The following SLITRK6 variants were observed in gnomAD, a reference collection of about 807,000 sequenced individuals.
SLITRK6 encodes SLIT and NTRK like family member 6, also known as SLIT and NTRK-like protein 6.
A neutral mutation model predicts 55.6 loss-of-function variants in SLITRK6; 35 were observed. That is an observed-to-expected ratio of 0.63 (90% CI 0.48 to 0.83). SLITRK6 has a LOEUF of 0.83. Ranked by LOEUF, SLITRK6 falls within the 40% of genes least tolerant of loss-of-function variation. The probability of loss-of-function intolerance (pLI) is 0.00; values close to 1 mark genes in which losing one functional copy is unlikely to be tolerated. For synonymous variants in SLITRK6, 392 were observed against 359.6 expected (o/e 1.09, Z -1.02); for missense variants, 977 against 986.4 (o/e 0.99, Z 0.13).
At chr13:85,797,851 C>A (rs1361453380) in intron 1 of SLITRK6, among the ~76,000 whole-genome samples, 1 of 151,772 alleles carries the variant, frequency 6.6e-6, no homozygotes, top group Non-Finnish European at 1.5e-5. Flanking sequence ...ATACTTTAAA[C>A]TTATATAAAC....
At chr13:85,798,455 T>C (rs936900693) in intron 1 of SLITRK6, among the ~76,000 whole-genome samples, 14 of 151,996 alleles carry the variant, frequency 9.2e-5, no homozygotes, top group Admixed American at 2.6e-4. Flanking sequence ...GAAAAGTGGT[T>C]CTCTACTGAC....
In SLITRK6 at chr13:85,795,330, G is replaced by C; in HGVS notation, c.1179C>G (p.His393Gln). ...GAACTTCAATACGATTGTTTCCCAA[G>C]TGAAGCATTTCCAAAGTGAAATATT... ...LVEYFTLEML[H>Q]LGNNRIEVLE... Residue 393 changes from histidine to glutamine, a missense_variant, in exon 2 of 2, where the codon CAC becomes CAG. His to Gln is a conservative substitution (Grantham distance 24). Coordinates refer to ENST00000647374, the MANE Select transcript of SLITRK6 (RefSeq NM_032229.3). 6.2e-7 allele frequency: 1 copy of C among 1,612,724 alleles called. No individual in the cohort carries two copies. The highest frequency in any genetic ancestry group is 8.5e-7 in the Non-Finnish European group (1 of 1,179,344).
rs900446563 is a variant in SLITRK6 at position 85,793,866 on chromosome 13, A to C, written c.*117T>G. ...TTTCTTCTTCTTTTTTTTTCCCCAT[A>C]GTTTACTGCTGTGCTTAGGTTCTGA... On this transcript the variant is annotated 3_prime_UTR_variant, in exon 2 of 2. Transcript: ENST00000647374. 6 of 1,161,878 alleles carry C rather than the reference A, an allele frequency of 5.2e-6. No individual in the cohort carries two copies. The highest frequency in any genetic ancestry group is 2.8e-5 in the Admixed American group (1 of 35,628). The allele number at this position is 1,161,878 out of a possible 1,614,324, so 72.0% of individuals were successfully genotyped here.
At position 85,795,574 on chromosome 13, in the gene SLITRK6, C is replaced by T. The variant is rs962421431; in HGVS notation, c.935G>A (p.Gly312Asp). 11 of 1,612,684 alleles carry T rather than the reference C, an allele frequency of 6.8e-6. No individual in the cohort carries two copies. The African/African-American group carries it at 1.3e-4, about 20-fold the overall frequency. The change falls in exon 2 of 2, where the codon GGT becomes GAT. Residue 312 changes from glycine to aspartate, a missense_variant. Gly to Asp is a moderately conservative substitution (Grantham distance 94). Transcript: ENST00000647374. ...SILKLPTKAP[G>D]LIPYITKPST... is the part of the protein sequence containing the mutation. ...TGGCTTTGTAATATAAGGTATCAAACCTGGTGCTTTGGTGGGTAGTTTTAG... is the reference window on the plus strand; with the variant it reads ...TGGCTTTGTAATATAAGGTATCAAATCTGGTGCTTTGGTGGGTAGTTTTAG...
At chr13:85,797,285 G>C (rs368961896) in intron 1 of SLITRK6, among the ~76,000 whole-genome samples, 1 of 151,390 alleles carries the variant, frequency 6.6e-6, no homozygotes, top group Non-Finnish European at 1.5e-5. Flanking sequence ...TTGTATAAGC[G>C]TAATAGTATC....
chr13:85,798,659 C>T (rs34065887), intron 1 of SLITRK6, among the ~76,000 whole-genome samples: 1,932 of 152,092 alleles, frequency 0.013, 18 homozygotes, highest in Admixed American at 0.023. Flanking sequence ...TAGTTTCTAA[C>T]AACAAACTGC....
chr13:85,794,962 T>A lies in SLITRK6; in HGVS notation c.1547A>T (p.Asp516Val). Residue 516 changes from aspartate (D) to valine (V), a missense_variant, in exon 2 of 2, where the codon GAT (aspartate) becomes GTT (valine). Transcript: ENST00000647374. The part of the protein sequence containing the change: ...LDLLTQIDLE[D>V]NPWDCSCDLV... ...GTCACAGGAGCAGTCCCAGGGGTTA[T>A]CCTCAAGGTCAATCTGGGTTAGCAA... 1 of 1,613,122 alleles carries A rather than the reference T, an allele frequency of 6.2e-7. No individual in the cohort carries two copies. Among genetic ancestry groups the A allele is most frequent in the Non-Finnish European group, 8.5e-7 (1 of 1,179,476 alleles).
At chr13:85,796,821 T>C (rs373358466) in intron 1 of SLITRK6, among the ~76,000 whole-genome samples, 3 of 151,824 alleles carry the variant, frequency 2.0e-5, no homozygotes, top group East Asian at 1.9e-4. Context: ...ATCTGATGAA[T>C]AACCTGCATT....
Position 85,794,816 on chromosome 13 carries a change from G to A in SLITRK6, c.1693C>T (p.Leu565Phe), listed in dbSNP as rs373437250. Residue 565 changes from leucine to phenylalanine, a missense_variant, in exon 2 of 2, where the codon CTC (leucine) becomes TTC (phenylalanine). Leu to Phe is a conservative substitution (Grantham distance 22, BLOSUM62 0). Transcript: ENST00000647374. ...KELKALNSEILCPGLVNNPSM... is the reference protein window; with the variant it reads ...KELKALNSEIFCPGLVNNPSM... ...GGGTTATTTACTAAACCTGGACAGA[G>A]AATTTCACTATTTAGGGCTTTCAAT... is the stretch of plus-strand genomic sequence containing the variant. 1 of 1,613,112 alleles carries A rather than the reference G, an allele frequency of 6.2e-7. No individual in the cohort carries two copies. The highest frequency in any genetic ancestry group is 8.5e-7 in the Non-Finnish European group (1 of 1,179,558).
chr13:85,793,899 C>A lies in SLITRK6; in HGVS notation c.*84G>T. The stretch of plus-strand genomic sequence containing the variant: ...GCTGTGCTTAGGTTCTGATTGATGA[C>A]ACACTCACGTAAGGCACTTATTTAC... On this transcript the variant is annotated 3_prime_UTR_variant, in exon 2 of 2. Coordinates refer to ENST00000647374, the MANE Select transcript of SLITRK6 (RefSeq NM_032229.3). 1 of 1,447,048 alleles carries A rather than the reference C, an allele frequency of 6.9e-7. No individual in the cohort carries two copies. Among genetic ancestry groups the A allele is most frequent in the Non-Finnish European group, 9.2e-7 (1 of 1,081,612 alleles). The allele number at this position is 1,447,048 out of a possible 1,614,324, so 89.6% of individuals were successfully genotyped here.
Position 85,794,232 on chromosome 13 carries a change from A to T in SLITRK6, c.2277T>A (p.Ile759=). ...GCTGAAGTTCCCTTTCTTTTTCTAA[A>T]ATGTTTCTGTACAATGAGCTGGCAT... ...FQDASSLYRN[I]LEKERELQQL... is the part of the protein sequence containing the mutation. Residue 759 remains isoleucine (I), a synonymous_variant, in exon 2 of 2, where the codon ATT becomes ATA. Coordinates refer to ENST00000647374, the MANE Select transcript of SLITRK6 (RefSeq NM_032229.3). The T allele has an allele frequency of 6.2e-7, 1 of 1,612,918 alleles. No homozygotes were observed.
Position 85,796,283 on chromosome 13 carries a change from A to C in SLITRK6, c.226T>G (p.Leu76Val), listed in dbSNP as rs370883086. 17 of 1,611,978 alleles carry C rather than the reference A, an allele frequency of 1.1e-5. No homozygotes were observed. The highest frequency in any genetic ancestry group is 1.4e-5 in the Non-Finnish European group (17 of 1,178,942). ...PFQLSLLNNGLTMLHTNDFSG... is the reference protein window; with the variant it reads ...PFQLSLLNNGVTMLHTNDFSG... ...AAGTCATTTGTGTGAAGCATCGTCA[A>C]GCCGTTATTTAATAAGCTTAGTTGG... The change falls in exon 2 of 2, where the codon TTG (leucine) becomes GTG (valine). Residue 76 changes from leucine (L) to valine (V), a missense_variant. Leu to Val is a conservative substitution (Grantham distance 32). Coordinates refer to ENST00000647374, the MANE Select transcript of SLITRK6 (RefSeq NM_032229.3).
chr13:85,795,052 T>C lies in SLITRK6; in HGVS notation c.1457A>G (p.Lys486Arg), dbSNP rs190027458. 1.2e-6 allele frequency: 2 copies of C among 1,612,992 alleles called. No individual in the cohort carries two copies. The highest frequency in any genetic ancestry group is 1.7e-6 in the Non-Finnish European group (2 of 1,179,386). ...AAACTGGTTTGTTTTAAGATTTACC[T>C]TAGTTAGAGGAACCCCTGAAAAAAT... Reference protein sequence around the residue: ...PHIFSGVPLTKVNLKTNQFTH... With the variant: ...PHIFSGVPLTRVNLKTNQFTH... Residue 486 changes from lysine to arginine, a missense_variant, in exon 2 of 2, where the codon AAG becomes AGG. By Grantham distance (26) the Lys-to-Arg change is conservative. Coordinates refer to ENST00000647374, the MANE Select transcript of SLITRK6 (RefSeq NM_032229.3).
chr13:85,793,674 T>C lies in SLITRK6; in HGVS notation c.*309A>G, dbSNP rs1874609340. 4.2e-6 allele frequency: 1 copy of C among 239,034 alleles called. No individual in the cohort carries two copies. Among genetic ancestry groups the C allele is most frequent in the South Asian group, 1.4e-4 (1 of 7,194 alleles). The allele number at this position is 239,034 out of a possible 1,614,324, so 14.8% of individuals were successfully genotyped here. On this transcript the variant is annotated 3_prime_UTR_variant, in exon 2 of 2. Coordinates refer to ENST00000647374, the MANE Select transcript of SLITRK6 (RefSeq NM_032229.3). ...CAAGAAAATTCGGGATACTTAAATG[T>C]TCAGCCTTTTTAGATGTGCAAGAGG...
In SLITRK6 at chr13:85,794,558, TG is replaced by T; in HGVS notation, c.1950del (p.Asp650GlufsTer34). ...CTGTACTGAAGATGCACAGGACTGTTGTCTCTCATTTGCTCATCTACTTGTT... is the reference window on the plus strand; with the variant it reads ...CTGTACTGAAGATGCACAGGACTGTTTCTCTCATTTGCTCATCTACTTGTT... ...KKKQVDEQMR[D>X]NSPVHLQYSM... On this transcript the variant is annotated frameshift_variant, in exon 2 of 2. Transcript: ENST00000647374. LOFTEE classifies it high-confidence loss of function. 6.2e-7 allele frequency: 1 copy of T among 1,613,202 alleles called. No homozygotes were observed. Among genetic ancestry groups the T allele is most frequent in the Non-Finnish European group, 8.5e-7 (1 of 1,179,550 alleles).
In SLITRK6 at chr13:85,794,301, T is replaced by C; in HGVS notation, c.2208A>G (p.Lys736=). The C allele has an allele frequency of 6.2e-7, 1 of 1,613,332 alleles. No individual in the cohort carries two copies. The highest frequency in any genetic ancestry group is 8.5e-7 in the Non-Finnish European group (1 of 1,179,554). The change falls in exon 2 of 2, where the codon AAA becomes AAG. Residue 736 remains lysine, a synonymous_variant. Transcript: ENST00000647374. Reference sequence around the variant, plus strand: ...CTGTTGATTGGTTCGTGGTTTTGTATTTCATATTTGACCCTGTGAGTGGTG... The same window carrying C: ...CTGTTGATTGGTTCGTGGTTTTGTACTTCATATTTGACCCTGTGAGTGGTG... ...NHSPLTGSNM[K]YKTTNQSTEF... is the part of the protein sequence containing the mutation.
rs1874728577 is a variant in SLITRK6, at chr13:85,796,453, T to C, written c.56A>G (p.His19Arg). 1 of 1,600,096 alleles carries C rather than the reference T, an allele frequency of 6.2e-7. No homozygotes were observed. Residue 19 changes from histidine to arginine, a missense_variant, in exon 2 of 2, where the codon CAC (histidine) becomes CGC (arginine). His to Arg is a conservative substitution (Grantham distance 29, BLOSUM62 0). Coordinates refer to ENST00000647374, the MANE Select transcript of SLITRK6 (RefSeq NM_032229.3). ...YSSLLACISL[H>R]SQTPVLSSRG... ...GGATGAGAGCACTGGAGTTTGGGAG[T>C]GTAAAGATATACAGGCAAGGAGAGA... is the stretch of plus-strand genomic sequence containing the variant.
At position 85,795,755 on chromosome 13, in the gene SLITRK6, A is replaced by G. The variant is rs1874699256; in HGVS notation, c.754T>C (p.Phe252Leu). The change falls in exon 2 of 2, where the codon TTT (phenylalanine) becomes CTT (leucine). Residue 252 changes from phenylalanine (F) to leucine (L), a missense_variant. Physicochemically the swap from Phe to Leu is conservative, Grantham distance 22. Coordinates refer to ENST00000647374, the MANE Select transcript of SLITRK6 (RefSeq NM_032229.3). The part of the protein sequence containing the change: ...IGDVVCNSPP[F>L]FKGSILSRLK... ...CTACTGAGTATACTTCCTTTAAAAA[A>G]TGGAGGGCTGTTGCAGACAACATCA... 6.2e-7 allele frequency: 1 copy of G among 1,612,806 alleles called. No individual in the cohort carries two copies.
Position 85,793,956 on chromosome 13 carries a change from T to C in SLITRK6, c.*27A>G. 6.4e-7 allele frequency: 1 copy of C among 1,555,208 alleles called. No homozygotes were observed. Among genetic ancestry groups the C allele is most frequent in the Non-Finnish European group, 8.7e-7 (1 of 1,154,364 alleles). ...TGGACTTAAAACAGAATCACAGCATTTCTGCGAAAGCCCTCAAACTCTCCA... is the reference window on the plus strand; with the variant it reads ...TGGACTTAAAACAGAATCACAGCATCTCTGCGAAAGCCCTCAAACTCTCCA... On this transcript the variant is annotated 3_prime_UTR_variant, in exon 2 of 2. Coordinates refer to ENST00000647374, the MANE Select transcript of SLITRK6 (RefSeq NM_032229.3).
Sources: allele counts gnomAD v4.1 joint callset (sites outside exome capture counted in the v4.1 genomes callset), GRCh38; gene constraint gnomAD v4.1.1; transcripts MANE v1.5; gene names NCBI Gene and HGNC (gene_info 2026-07-23, HGNC 2026-07-21).